GABRG3: variants seen among roughly 807,000 people sequenced by gnomAD.
GABRG3 encodes gamma-aminobutyric acid receptor subunit gamma-3.
In GABRG3, 25 loss-of-function variants were observed where a neutral mutation model predicts 48.8. The observed-to-expected ratio is 0.51, with a 90% CI of 0.37 to 0.72. The LOEUF (loss-of-function observed/expected upper bound fraction) is 0.72, where lower values mean the gene tolerates loss of function less well. Ranked by LOEUF, GABRG3 falls within the 30% of genes least tolerant of loss-of-function variation. The pLI, the probability that GABRG3 is intolerant of heterozygous loss-of-function variation, is 0.00. For synonymous variants in GABRG3, 227 were observed against 217.6 expected (o/e 1.04, Z -0.38); for missense variants, 394 against 577.9 (o/e 0.68, Z 3.26).
chr15:27,308,672 C>T (rs1343188031), intron 3 of GABRG3, among the ~76,000 whole-genome samples: 1 of 148,982 alleles, frequency 6.7e-6, no homozygotes, highest in Non-Finnish European at 1.5e-5. Context: ...ATAATGTAAA[C>T]ATACGCTTAT....
At chr15:27,126,527 G>A (rs1423869273) in intron 3 of GABRG3, among the ~76,000 whole-genome samples, 1 of 152,190 alleles carries the variant, frequency 6.6e-6, no homozygotes, top group Non-Finnish European at 1.5e-5. Flanking sequence ...GTGCGCCATG[G>A]CCAACTGGCT....
At chr15:27,081,583 G>A (rs1896993366) in intron 3 of GABRG3, among the ~76,000 whole-genome samples, 1 of 152,170 alleles carries the variant, frequency 6.6e-6, no homozygotes, top group Non-Finnish European at 1.5e-5. Context: ...AGCAGAGGAG[G>A]CTGGCCCCAA....
rs12592310 is a variant in GABRG3 at position 27,170,159 on chromosome 15, G to A, written c.270+143338G>A. On this transcript the variant is annotated intron_variant, in intron 3 of 9. Coordinates refer to ENST00000615808, the MANE Select transcript of GABRG3 (RefSeq NM_033223.5). ...GGAGAGCTCAGACAAATGCAGACAT[G>A]TGGGTAAATTTTTTCCATTCCTTCA... is the stretch of plus-strand genomic sequence containing the variant. 3.5e-4 allele frequency among the ~76,000 whole-genome samples: 53 copies of A among 152,268 alleles called. No individual in the cohort carries two copies. In the East Asian group the frequency reaches 8.5e-3, roughly 24 times the overall value.
chr15:27,068,414 G>C (rs1253641057), intron 3 of GABRG3, among the ~76,000 whole-genome samples: 3 of 152,248 alleles, frequency 2.0e-5, no homozygotes, highest in African/African-American at 7.2e-5. Flanking sequence ...AGCTGGAAAG[G>C]CCCTATGCAC....
intron 7 of GABRG3, among the ~76,000 whole-genome samples, chr15:27,520,941 C>T (rs192219355): frequency 6.6e-6 from 1 of 151,218 alleles, no homozygotes; most frequent in African/African-American, 2.4e-5. Context: ...GACCAGATGC[C>T]AAGAGATTAA....
At chr15:27,388,486 A>G (rs1409146041) in intron 5 of GABRG3, among the ~76,000 whole-genome samples, 1 of 151,860 alleles carries the variant, frequency 6.6e-6, no homozygotes, top group Non-Finnish European at 1.5e-5. Flanking sequence ...AGCACAGGAA[A>G]GGCTAAGAAG....
chr15:27,257,300 T>C lies in GABRG3; in HGVS notation c.271-69509T>C, dbSNP rs951484379. ...GTTCCTTGTATGTTTAGGGTATTAA[T>C]CCCTTATCGAATGTACAATTTGCAA... On this transcript the variant is annotated intron_variant, in intron 3 of 9. Transcript: ENST00000615808. Among the ~76,000 whole-genome samples the C allele has an allele frequency of 2.0e-5, 3 of 152,180 alleles. No individual in the cohort carries two copies. The East Asian group carries it at 5.8e-4, about 29-fold the overall frequency.
intron 5 of GABRG3, among the ~76,000 whole-genome samples, chr15:27,449,383 T>G (rs74006948): frequency 0.12 from 17,769 of 152,176 alleles, 1,998 homozygotes; most frequent in African/African-American, 0.29. Flanking sequence ...GAAGGTTTCC[T>G]TATCCTCTGA....
At chr15:27,232,840 G>A (rs1019679464) in intron 3 of GABRG3, among the ~76,000 whole-genome samples, 11 of 152,188 alleles carry the variant, frequency 7.2e-5, no homozygotes, top group African/African-American at 2.4e-4. Flanking sequence ...AAATAGTCAG[G>A]CCCATGGTGG....
intron 5 of GABRG3, among the ~76,000 whole-genome samples, chr15:27,368,920 A>G (rs1375682046): frequency 6.6e-6 from 1 of 152,210 alleles, no homozygotes; most frequent in African/African-American, 2.4e-5. Flanking sequence ...AAGGAACCCC[A>G]CATTCTGAAA....
At chr15:27,243,193 T>C (rs1324246942) in intron 3 of GABRG3, among the ~76,000 whole-genome samples, 1 of 152,084 alleles carries the variant, frequency 6.6e-6, no homozygotes, top group Non-Finnish European at 1.5e-5. Context: ...ACTAGAAAAA[T>C]AAAATGCTAG....
chr15:27,240,908 T>A (rs1405615905), intron 3 of GABRG3, among the ~76,000 whole-genome samples: 2 of 152,210 alleles, frequency 1.3e-5, no homozygotes, highest in Non-Finnish European at 2.9e-5. Flanking sequence ...ACCCTGAATC[T>A]TCTTCTCAAA....
chr15:27,166,170 A>G (rs191081968), intron 3 of GABRG3, among the ~76,000 whole-genome samples: 1 of 152,330 alleles, frequency 6.6e-6, no homozygotes, highest in African/African-American at 2.4e-5. Context: ...AAATGCATCC[A>G]TATCCATCTC....
At chr15:27,308,084 CCAAA>C (rs1212193623) in intron 3 of GABRG3, among the ~76,000 whole-genome samples, 2 of 123,526 alleles carry the variant, frequency 1.6e-5, no homozygotes, top group Non-Finnish European at 3.4e-5. Flanking sequence ...GTTTATACAT[CCAAA>C]CATATATAAA....
intron 2 of GABRG3, among the ~76,000 whole-genome samples, chr15:27,005,639 CA>C (rs1895569960): frequency 6.6e-6 from 1 of 152,150 alleles, no homozygotes; most frequent in African/African-American, 2.4e-5. Flanking sequence ...AATTTTGAGA[CA>C]GGGGCTTGCT....
chr15:27,435,884 T>C (rs189856272), intron 5 of GABRG3, among the ~76,000 whole-genome samples: 36 of 152,292 alleles, frequency 2.4e-4, no homozygotes, highest in African/African-American at 8.2e-4. Context: ...AGGATCCAAC[T>C]TGCCTCTGGC....
chr15:27,506,807 A>C (rs1260504490), intron 6 of GABRG3, among the ~76,000 whole-genome samples: 2 of 151,894 alleles, frequency 1.3e-5, no homozygotes, highest in Admixed American at 6.6e-5. Context: ...TTTTCTTTTA[A>C]ATTTCACTAA....
At chr15:27,033,351 C>T (rs1896120301) in intron 3 of GABRG3, among the ~76,000 whole-genome samples, 1 of 152,066 alleles carries the variant, frequency 6.6e-6, no homozygotes, top group African/African-American at 2.4e-5. Context: ...GTGAGGGTGC[C>T]AGTCTACTGC....
intron 5 of GABRG3, chr15:27,365,459 C>G (rs1895163768): frequency 6.6e-6 from 1 of 152,216 alleles, no homozygotes; most frequent in Non-Finnish European, 1.5e-5. Context: ...TCTTCAATCT[C>G]TTTAAGACAC....
Sources: gnomAD v4.1 joint callset for allele counts (sites outside exome capture counted in the v4.1 genomes callset) on GRCh38, gnomAD v4.1.1 for gene constraint, MANE v1.5 for transcripts, NCBI Gene and HGNC (gene_info 2026-07-23, HGNC 2026-07-21) for gene names.